EXOC3L2: variants seen among roughly 807,000 people sequenced by gnomAD.
The protein encoded by EXOC3L2 is exocyst complex component 3-like protein 2.
EXOC3L2 carries 17 observed loss-of-function variants against 44.4 expected under a neutral mutation model. The observed-to-expected ratio is 0.38, with a 90% confidence interval of 0.26 to 0.57. EXOC3L2 has a LOEUF of 0.57. Ranked by LOEUF, EXOC3L2 falls within the 20% of genes least tolerant of loss-of-function variation. EXOC3L2 has a pLI of 0.65. For missense variants in EXOC3L2, 541 were observed against 588.4 expected (o/e 0.92, Z 0.83); for synonymous variants, 256 against 253.7 (o/e 1.01, Z -0.09).
At chr19:45,242,166 A>G (rs901309626) in intron 1 of EXOC3L2, among the ~76,000 whole-genome samples, 10 of 152,210 alleles carry the variant, frequency 6.6e-5, no homozygotes, top group Admixed American at 3.3e-4. Flanking sequence ...TAGTTCAAAC[A>G]TTCGGAAAAG....
intron 9 of EXOC3L2, 82 bp from the exon 10 acceptor site, chr19:45,217,765 C>T (rs1969852583): frequency 1.5e-6 from 2 of 1,364,234 alleles, no homozygotes; most frequent in African/African-American, 3.1e-5. Flanking sequence ...GCCACCCCCG[C>T]CCCACTCGCC....
rs1314585938 is a variant in EXOC3L2, at chr19:45,234,977, A to G, written c.524-151T>C. Among the ~76,000 whole-genome samples, 1 of 152,090 alleles carries G rather than the reference A, an allele frequency of 6.6e-6. No homozygotes were observed. The highest frequency in any genetic ancestry group is 6.6e-5 in the Admixed American group (1 of 15,258). On this transcript the variant is annotated intron_variant, in intron 2 of 11. Coordinates refer to ENST00000413988, the MANE Select transcript of EXOC3L2 (RefSeq NM_001382422.1). This position sits in a 1 kb window ranked among gnomAD's most constrained non-coding sequence, Gnocchi z 5.0. Reference sequence around the variant, plus strand: ...GTGGGGGCAGAGAAGAGCCCGGAGAAGAGCAAGAAAGAAGGATGTTGAGTG... The same window carrying G: ...GTGGGGGCAGAGAAGAGCCCGGAGAGGAGCAAGAAAGAAGGATGTTGAGTG...
chr19:45,231,123 T>C (rs970069692), intron 4 of EXOC3L2, among the ~76,000 whole-genome samples: 1 of 152,052 alleles, frequency 6.6e-6, no homozygotes, highest in Non-Finnish European at 1.5e-5. Context: ...CTCAATTTGA[T>C]GAGTTTAAGG....
chr19:45,241,691 T>A (rs1006630886), intron 1 of EXOC3L2, among the ~76,000 whole-genome samples: 2 of 152,088 alleles, frequency 1.3e-5, no homozygotes, highest in African/African-American at 4.8e-5. Context: ...TGCTTCTACA[T>A]AGACGCCTGT....
intron 3 of EXOC3L2, among the ~76,000 whole-genome samples, chr19:45,233,848 G>T (rs1011330196): frequency 6.6e-6 from 1 of 152,144 alleles, no homozygotes; most frequent in African/African-American, 2.4e-5. Flanking sequence ...AGGACTAGAG[G>T]AATCAATGGT....
chr19:45,227,342 C>T (rs187965151), intron 7 of EXOC3L2, among the ~76,000 whole-genome samples: 2 of 151,616 alleles, frequency 1.3e-5, no homozygotes, highest in Admixed American at 6.6e-5. Context: ...AGGATGGTCT[C>T]GATCTCCTGA....
chr19:45,223,418 C>T (rs188719633), intron 8 of EXOC3L2, among the ~76,000 whole-genome samples: 23 of 152,188 alleles, frequency 1.5e-4, no homozygotes, highest in African/African-American at 5.1e-4. Flanking sequence ...TCTTGGCTCA[C>T]TGCAACCTCA....
chr19:45,214,862 C>T (rs557186048), intron 11 of EXOC3L2, among the ~76,000 whole-genome samples: 21 of 152,058 alleles, frequency 1.4e-4, no homozygotes, highest in African/African-American at 4.8e-4. Context: ...TTAATTATAC[C>T]CCTTACTTAT....
intron 4 of EXOC3L2, among the ~76,000 whole-genome samples, chr19:45,228,669 G>A (rs762899113): frequency 1.3e-5 from 2 of 152,214 alleles, no homozygotes; most frequent in Non-Finnish European, 2.9e-5. Flanking sequence ...CTACTCAGGA[G>A]GCAGAGGCAG....
At chr19:45,223,692 A>G (rs1969923271) in intron 8 of EXOC3L2, among the ~76,000 whole-genome samples, 1 of 148,832 alleles carries the variant, frequency 6.7e-6, no homozygotes, top group Admixed American at 6.7e-5. Context: ...CTGAGGTGAC[A>G]TTTGAGTCAA....
intron 9 of EXOC3L2, among the ~76,000 whole-genome samples, chr19:45,217,895 G>A (rs1403632126): frequency 6.6e-6 from 1 of 151,762 alleles, no homozygotes; most frequent in Non-Finnish European, 1.5e-5. Context: ...AGTCTCTGCC[G>A]GTCCCCAAAG....
intron 4 of EXOC3L2, among the ~76,000 whole-genome samples, chr19:45,230,712 AGTTT>A (rs1369191861): frequency 3.3e-5 from 5 of 149,880 alleles, no homozygotes; most frequent in Non-Finnish European, 5.9e-5. Flanking sequence ...CCAAACAGTT[AGTTT>A]AAGATTCTCA....
At chr19:45,220,933 G>A (rs946101124) in intron 8 of EXOC3L2, among the ~76,000 whole-genome samples, 1 of 151,866 alleles carries the variant, frequency 6.6e-6, no homozygotes, top group Non-Finnish European at 1.5e-5. Context: ...GAATTCATAG[G>A]ATGAAGTGAG....
intron 11 of EXOC3L2, 34 bp from the exon 12 acceptor site, chr19:45,213,391 T>A: frequency 2.5e-6 from 4 of 1,607,494 alleles, no homozygotes; most frequent in Non-Finnish European, 3.4e-6. Flanking sequence ...TGCATGCAGA[T>A]CCCCAGCTCT....
At chr19:45,227,284 AT>A (rs370002406) in intron 7 of EXOC3L2, among the ~76,000 whole-genome samples, 20,619 of 146,824 alleles carry the variant, frequency 0.14, 3,084 homozygotes, top group African/African-American at 0.38. Flanking sequence ...TGCCCGGCTA[AT>A]TTTTTTTTGT....
At chr19:45,233,553 C>T (rs529612838) in intron 3 of EXOC3L2, among the ~76,000 whole-genome samples, 2 of 152,092 alleles carry the variant, frequency 1.3e-5, no homozygotes, top group African/African-American at 4.8e-5. Context: ...ATTCTAGTAG[C>T]GTAAGTGTCA....
intron 4 of EXOC3L2, among the ~76,000 whole-genome samples, chr19:45,228,585 A>G (rs537274576): frequency 6.6e-6 from 1 of 152,322 alleles, no homozygotes; most frequent in African/African-American, 2.4e-5. Context: ...CAGCCTGGCC[A>G]ACATGGAGAA....
At chr19:45,221,486 C>A (rs1969897677) in intron 8 of EXOC3L2, among the ~76,000 whole-genome samples, 1 of 151,904 alleles carries the variant, frequency 6.6e-6, no homozygotes, top group Non-Finnish European at 1.5e-5. Context: ...GTAGCTGGGG[C>A]TACAGGCACG....
intron 1 of EXOC3L2, 57 bp from the exon 2 acceptor site, chr19:45,239,118 C>T (rs1034977785): frequency 2.0e-4 from 81 of 395,318 alleles, no homozygotes; most frequent in African/African-American, 1.6e-3. Context: ...GTATGGATGA[C>T]GGTGCCTCTG....
Sources: gnomAD v4.1 joint callset for allele counts (sites outside exome capture counted in the v4.1 genomes callset) on GRCh38, gnomAD v4.1.1 for gene constraint, Gnocchi (gnomAD v3.1) non-coding constraint, MANE v1.5 for transcripts, NCBI Gene and HGNC (gene_info 2026-07-23, HGNC 2026-07-21) for gene names.